Variants in ZBTB20 observed in about 807,000 individuals in gnomAD.
ZBTB20 encodes the protein zinc finger and BTB domain containing 20.
Under a neutral mutation model 56.9 loss-of-function variants are expected in ZBTB20, and 9 were observed. That is an observed-to-expected ratio of 0.16 (90% CI 0.10 to 0.28). ZBTB20 has a LOEUF of 0.28. ZBTB20 is among the 10% of genes least tolerant of loss of function. The pLI, the probability that ZBTB20 is intolerant of heterozygous loss-of-function variation, is 1.00. For synonymous variants in ZBTB20, 417 were observed against 420.7 expected (o/e 0.99, Z 0.11); for missense variants, 655 against 1,003.0 (o/e 0.65, Z 4.69).
chr3:115,098,504 T>C (rs987869412), intron 1 of ZBTB20, among the ~76,000 whole-genome samples: 2 of 152,110 alleles, frequency 1.3e-5, no homozygotes, highest in African/African-American at 4.8e-5. Flanking sequence ...AAGTTCCCCT[T>C]AGACCTTACG....
chr3:115,009,974 T>C (rs1381002437), intron 2 of ZBTB20, among the ~76,000 whole-genome samples: 1 of 151,986 alleles, frequency 6.6e-6, no homozygotes, highest in African/African-American at 2.4e-5. Flanking sequence ...TCTTTTGTTT[T>C]ACATTTTACT....
intron 5 of ZBTB20, among the ~76,000 whole-genome samples, chr3:114,721,933 T>C (rs2064946880): frequency 6.6e-6 from 1 of 152,180 alleles, no homozygotes; most frequent in South Asian, 2.1e-4. Flanking sequence ...GGACTTAAAG[T>C]ATCAATTTAC....
intron 3 of ZBTB20, among the ~76,000 whole-genome samples, chr3:114,902,937 TCA>T (rs1392627186): frequency 6.6e-6 from 1 of 152,188 alleles, no homozygotes; most frequent in Non-Finnish European, 1.5e-5. Context: ...CAATAGCAGT[TCA>T]GTTTCCTGCT....
intron 1 of ZBTB20, among the ~76,000 whole-genome samples, chr3:115,073,102 A>G (rs1369213439): frequency 6.6e-6 from 1 of 152,214 alleles, no homozygotes; most frequent in African/African-American, 2.4e-5. Context: ...CTGAAATGAG[A>G]ACTGGAACAC....
intron 7 of ZBTB20, among the ~76,000 whole-genome samples, chr3:114,412,837 A>C (rs2108776904): frequency 6.6e-6 from 1 of 152,256 alleles, no homozygotes; most frequent in Admixed American, 6.5e-5. Context: ...CTTTTCCTTA[A>C]GACAAGTTTC....
intron 6 of ZBTB20, chr3:114,528,614 C>T (rs1283509954): frequency 6.6e-6 from 1 of 152,076 alleles, no homozygotes; most frequent in East Asian, 1.9e-4. Context: ...AATGCTCAAA[C>T]TTATACTTTC....
rs2050475586 is a variant in ZBTB20, at chr3:114,550,773, C to G, written c.-294-50382G>C. On this transcript the variant is annotated intron_variant, in intron 6 of 11. Transcript: ENST00000675478. ...GATATAGTTTGTTTGTTTTTTGAGA[C>G]AGGGTCTCACTCTGTCACCCACGCT... 2.6e-5 allele frequency among the ~76,000 whole-genome samples: 4 copies of G among 152,028 alleles called. No individual in the cohort carries two copies. The South Asian group carries it at 8.3e-4, about 32-fold the overall frequency.
chr3:114,850,624 A>C (rs913224481), intron 4 of ZBTB20, among the ~76,000 whole-genome samples: 3 of 152,244 alleles, frequency 2.0e-5, no homozygotes, highest in South Asian at 2.1e-4. Flanking sequence ...CATTATGTAA[A>C]TAAAGGGGCT....
At chr3:114,362,587 A>G (rs1258638596) in intron 10 of ZBTB20, among the ~76,000 whole-genome samples, 1 of 152,178 alleles carries the variant, frequency 6.6e-6, no homozygotes, top group South Asian at 2.1e-4. Context: ...TTTCAATAGA[A>G]TTTAAAGTCC....
intron 4 of ZBTB20, among the ~76,000 whole-genome samples, chr3:114,842,840 C>T (rs2074443524): frequency 6.6e-6 from 1 of 152,144 alleles, no homozygotes; most frequent in East Asian, 1.9e-4. Context: ...GAATGAATCT[C>T]CTCAAACTGT....
intron 3 of ZBTB20, among the ~76,000 whole-genome samples, chr3:114,964,566 T>C (rs762276183): frequency 5.3e-5 from 8 of 152,192 alleles, no homozygotes; most frequent in Non-Finnish European, 1.0e-4. Flanking sequence ...TTCTGGGTCA[T>C]GTGCAGACTA....
chr3:114,711,130 T>C (rs1204479846), intron 5 of ZBTB20, among the ~76,000 whole-genome samples: 1 of 152,206 alleles, frequency 6.6e-6, no homozygotes, highest in Non-Finnish European at 1.5e-5. Context: ...AAATTATATA[T>C]CCCTATTTTC....
intron 4 of ZBTB20, among the ~76,000 whole-genome samples, chr3:114,863,763 A>G (rs1259287727): frequency 1.3e-5 from 2 of 152,094 alleles, no homozygotes; most frequent in African/African-American, 4.8e-5. Flanking sequence ...CACTTGTAGG[A>G]CACAAAATGC....
At chr3:114,533,633 G>T (rs2048121390) in intron 6 of ZBTB20, among the ~76,000 whole-genome samples, 2 of 152,108 alleles carry the variant, frequency 1.3e-5, no homozygotes, top group African/African-American at 4.8e-5. Flanking sequence ...AGGAAATACA[G>T]AGAACACCAC....
In ZBTB20 at chr3:114,801,353, C is replaced by T. The variant is rs1293641713; in HGVS notation, c.-416-179G>A. ...AGGAAAAAAAAAAAAAAGAAAAAAC[C>T]CTCTTCCCAGAGTAGTTTTTTAATG... On this transcript the variant is annotated intron_variant, in intron 4 of 11. Transcript: ENST00000675478. 4.3e-5 allele frequency among the ~76,000 whole-genome samples: 6 copies of T among 137,948 alleles called. No homozygotes were observed. The South Asian group carries it at 9.0e-4, about 21-fold the overall frequency. The allele number at this position is 137,948 out of a possible 152,430, so 90.5% of individuals were successfully genotyped here. A position where few individuals can be genotyped will look rare whatever the true frequency, so the allele number is the denominator to read the frequency against.
chr3:114,503,910 C>T (rs372782440), intron 6 of ZBTB20, among the ~76,000 whole-genome samples: 2 of 151,980 alleles, frequency 1.3e-5, no homozygotes, highest in Admixed American at 6.6e-5. Flanking sequence ...GAAGTGATAC[C>T]GATCCCTATG....
intron 5 of ZBTB20, among the ~76,000 whole-genome samples, chr3:114,747,940 A>C (rs1298475723): frequency 4.8e-4 from 1 of 2,098 alleles, no homozygotes; most frequent in African/African-American, 4.8e-4. Flanking sequence ...AAAAAAAAAA[A>C]AAAAAAAAAA....
chr3:115,056,871 CTCTT>C (rs751378791), intron 2 of ZBTB20, among the ~76,000 whole-genome samples: 3 of 152,036 alleles, frequency 2.0e-5, no homozygotes, highest in African/African-American at 2.4e-5. Flanking sequence ...ATAATGTACT[CTCTT>C]TATTTAACCA....
chr3:114,914,225 A>AT (rs912507862), intron 3 of ZBTB20, among the ~76,000 whole-genome samples: 1 of 151,890 alleles, frequency 6.6e-6, no homozygotes, highest in Non-Finnish European at 1.5e-5. Context: ...ATATCTTTCC[A>AT]TTTTTTTGTG....
Sources: allele counts gnomAD v4.1 joint callset (sites outside exome capture counted in the v4.1 genomes callset), GRCh38; gene constraint gnomAD v4.1.1; transcripts MANE v1.5; gene names NCBI Gene and HGNC (gene_info 2026-07-23, HGNC 2026-07-21).